SAMD3: variants seen among roughly 807,000 people sequenced by gnomAD.
SAMD3 encodes sterile alpha motif domain containing 3.
A neutral mutation model predicts 58.5 loss-of-function variants in SAMD3; 63 were observed. That is an observed-to-expected ratio of 1.08 (90% CI 0.88 to 1.33). SAMD3 has a LOEUF of 1.33. Ranked by LOEUF, SAMD3 falls within the 40% of genes most tolerant of loss-of-function variation. The pLI, the probability that SAMD3 is intolerant of heterozygous loss-of-function variation, is 0.00. For missense variants in SAMD3, 604 were observed against 608.4 expected, an observed-to-expected ratio of 0.99 and a Z score of 0.08; for synonymous variants, 220 against 210.3, an observed-to-expected ratio of 1.05 and a Z score of -0.40.
At chr6:130,271,029 A>T in intron 2 of SAMD3, among the ~76,000 whole-genome samples, 1 of 149,606 alleles carries the variant, frequency 6.7e-6, no homozygotes, top group East Asian at 2.0e-4. Flanking sequence ...TTAGGGTCTC[A>T]CTCTGTTGCT....
chr6:130,250,580 C>T lies in SAMD3; in HGVS notation c.-187-27767G>A, dbSNP rs375912119. ...TGCATAGACATTAGCAGTCACTCTCCATTCCACCCTCACCCATTGTTCTAT... is the reference window on the plus strand; with the variant it reads ...TGCATAGACATTAGCAGTCACTCTCTATTCCACCCTCACCCATTGTTCTAT... On this transcript the variant is annotated intron_variant, in intron 2 of 13. Coordinates refer to the SAMD3 transcript ENST00000368134. Among the ~76,000 whole-genome samples, 7 of 152,270 alleles carry T rather than the reference C, an allele frequency of 4.6e-5. 1 individual carries two copies.
chr6:130,219,400 T>C (rs1452269106), intron 1 of SAMD3, among the ~76,000 whole-genome samples: 2 of 152,216 alleles, frequency 1.3e-5, no homozygotes, highest in East Asian at 1.9e-4. Flanking sequence ...ATAAGTTCTT[T>C]AGTGGTGATT....
chr6:130,248,670 G>T (rs1352489448), intron 2 of SAMD3, among the ~76,000 whole-genome samples: 1 of 152,182 alleles, frequency 6.6e-6, no homozygotes, highest in Non-Finnish European at 1.5e-5. Context: ...AAGCATGGCA[G>T]TATCTGGCAC....
At chr6:130,348,663 A>T (rs548039880) in intron 1 of SAMD3, among the ~76,000 whole-genome samples, 4 of 150,654 alleles carry the variant, frequency 2.7e-5, no homozygotes, top group African/African-American at 9.8e-5. Flanking sequence ...ACATTAGACA[A>T]ATCAACGAGA....
At chr6:130,205,982 C>T (rs1390131584) in intron 5 of SAMD3, among the ~76,000 whole-genome samples, 2 of 152,160 alleles carry the variant, frequency 1.3e-5, no homozygotes, top group Admixed American at 1.3e-4. Flanking sequence ...CCAAGAGTGG[C>T]TCCAACACTT....
At position 130,184,198 on chromosome 6, in the gene SAMD3, A is replaced by G; in HGVS notation, c.570-11T>C. The stretch of plus-strand genomic sequence containing the variant: ...TGGGTGCTGGGGTACCTGTTCACCA[A>G]AACAAGGAGGATATGTTTCACTTCA... On this transcript the variant is annotated splice_polypyrimidine_tract_variant and intron_variant, in intron 6 of 11. Coordinates refer to ENST00000439090, the MANE Select transcript of SAMD3 (RefSeq NM_001017373.4). The G allele has an allele frequency of 6.3e-7, 1 of 1,597,236 alleles. No individual in the cohort carries two copies. Among genetic ancestry groups the G allele is most frequent in the Non-Finnish European group, 8.6e-7 (1 of 1,168,572 alleles).
chr6:130,302,328 T>C (rs1775777580), intron 2 of SAMD3, among the ~76,000 whole-genome samples: 1 of 151,998 alleles, frequency 6.6e-6, no homozygotes. Flanking sequence ...TAGGAAAAAA[T>C]GCTCATCAAC....
At chr6:130,200,488 G>T (rs978955910) in intron 5 of SAMD3, among the ~76,000 whole-genome samples, 8 of 144,844 alleles carry the variant, frequency 5.5e-5, no homozygotes, top group Admixed American at 4.4e-4. Context: ...GGCAGAGCTT[G>T]CAGTGAGCCG....
intron 2 of SAMD3, among the ~76,000 whole-genome samples, chr6:130,276,241 G>T (rs1774772116): frequency 6.6e-6 from 1 of 152,134 alleles, no homozygotes; most frequent in African/African-American, 2.4e-5. Context: ...CAGGCCTAAT[G>T]ATACCTTGAT....
intron 7 of SAMD3, among the ~76,000 whole-genome samples, chr6:130,181,987 C>T (rs771466521): frequency 2.0e-5 from 3 of 151,674 alleles, no homozygotes; most frequent in South Asian, 4.2e-4. Flanking sequence ...ATGGCGTGAA[C>T]CCATGAGGCG....
intron 2 of SAMD3, among the ~76,000 whole-genome samples, chr6:130,287,354 G>T (rs1775194374): frequency 6.6e-6 from 1 of 152,050 alleles, no homozygotes; most frequent in Non-Finnish European, 1.5e-5. Flanking sequence ...ATAGTGCCTA[G>T]CATTCTTGCA....
intron 2 of SAMD3, among the ~76,000 whole-genome samples, chr6:130,303,226 T>G (rs749320349): frequency 2.0e-5 from 3 of 152,130 alleles, no homozygotes; most frequent in Admixed American, 6.5e-5. Context: ...ACTTTGTCTT[T>G]CATCTCCAGA....
At chr6:130,323,995 A>C (rs1019917723) in intron 1 of SAMD3, among the ~76,000 whole-genome samples, 1 of 152,140 alleles carries the variant, frequency 6.6e-6, no homozygotes, top group African/African-American at 2.4e-5. Flanking sequence ...TGGGATGCAC[A>C]AGGGATGAAT....
At chr6:130,365,621 C>T (rs1307223372), upstream of SAMD3, 5 of 985,318 alleles carry the variant, frequency 5.1e-6, no homozygotes, top group Non-Finnish European at 6.0e-6. Flanking sequence ...GTCCCTGGCT[C>T]GGTAACCGGT....
intron 2 of SAMD3, among the ~76,000 whole-genome samples, chr6:130,247,608 T>C (rs779120225): frequency 3.9e-5 from 6 of 152,158 alleles, no homozygotes; most frequent in Non-Finnish European, 5.9e-5. Flanking sequence ...AACACAACCA[T>C]GGGACCACCA....
At chr6:130,252,623 A>G (rs916889937) in intron 2 of SAMD3, among the ~76,000 whole-genome samples, 6 of 152,184 alleles carry the variant, frequency 3.9e-5, no homozygotes, top group Non-Finnish European at 7.3e-5. Context: ...GCTTTGTTAC[A>G]ACACTAGCTA....
chr6:130,175,914 C>T lies in SAMD3; in HGVS notation c.749G>A (p.Gly250Glu). 6.2e-7 allele frequency: 1 copy of T among 1,613,148 alleles called. No homozygotes were observed. Among genetic ancestry groups the T allele is most frequent in the Non-Finnish European group, 8.5e-7 (1 of 1,179,260 alleles). Residue 250 changes from glycine (G) to glutamate (E), a missense_variant, in exon 8 of 12, where the codon GGA (glycine) becomes GAA (glutamate). By Grantham distance (98) the Gly-to-Glu change is moderately conservative. Transcript: ENST00000439090. ...TTTCCTTGTCTGGCCTCTTCGGTGT[C>T]CAAATTTACACTTATTTCTAATCAC... ...EQVIRNKCKF[G>E]HRRGQTRKSL...
At chr6:130,206,177 G>A (rs1225835944) in intron 5 of SAMD3, among the ~76,000 whole-genome samples, 1 of 152,192 alleles carries the variant, frequency 6.6e-6, no homozygotes. Context: ...GCCCAGGAGG[G>A]GACACCTGAT....
At chr6:130,244,412 A>G (rs1773463850) in intron 2 of SAMD3, among the ~76,000 whole-genome samples, 1 of 152,092 alleles carries the variant, frequency 6.6e-6, no homozygotes, top group Admixed American at 6.6e-5. Context: ...AAAGTACTTA[A>G]TATTTCTGTG....
Sources: gnomAD v4.1 joint callset for allele counts (sites outside exome capture counted in the v4.1 genomes callset) on GRCh38, gnomAD v4.1.1 for gene constraint, MANE v1.5 for transcripts, NCBI Gene and HGNC (gene_info 2026-07-23, HGNC 2026-07-21) for gene names.